The following ARRDC2 variants were observed in gnomAD, a reference collection of about 807,000 sequenced individuals.
ARRDC2 encodes arrestin domain containing 2, also known as arrestin domain-containing protein 2.
In ARRDC2, 39 loss-of-function variants were observed where a neutral mutation model predicts 38.9. The observed-to-expected ratio is 1.00, with a 90% CI of 0.78 to 1.31. The LOEUF is 1.31. Among genes scored for constraint, ARRDC2 ranks in the 50% most tolerant of loss-of-function variants. ARRDC2 has a pLI of 0.00. For missense variants in ARRDC2, 553 were observed against 588.4 expected (o/e 0.94, Z 0.62); for synonymous variants, 300 against 261.9 (o/e 1.15, Z -1.41).
chr19:18,008,014 G>C (rs573166547), upstream of ARRDC2, among the ~76,000 whole-genome samples: 33 of 152,374 alleles, frequency 2.2e-4, no homozygotes, highest in Admixed American at 4.6e-4. Context: ...GGCAGCCGGC[G>C]GTGAGCAGGG....
upstream of ARRDC2, among the ~76,000 whole-genome samples, chr19:18,006,702 C>T (rs1331712334): frequency 6.6e-6 from 1 of 152,190 alleles, no homozygotes; most frequent in Non-Finnish European, 1.5e-5. Context: ...AAAACAGTGA[C>T]ACTGGAGGGG....
intron 7 of ARRDC2, among the ~76,000 whole-genome samples, chr19:18,011,391 C>T (rs1160825446): frequency 1.3e-5 from 2 of 152,070 alleles, no homozygotes; most frequent in African/African-American, 4.8e-5. Flanking sequence ...CTTGGCCTCC[C>T]CAAAGTGCTG....
upstream of ARRDC2, chr19:18,007,414 T>G (rs2033301707): frequency 6.6e-6 from 1 of 152,208 alleles, no homozygotes; most frequent in South Asian, 2.1e-4. Context: ...GGAACATCAT[T>G]TCGTAGGTAC....
At chr19:18,012,777 T>C (rs1450528498) in intron 7 of ARRDC2, 136 bp from the exon 8 acceptor site, 2 of 835,494 alleles carry the variant, frequency 2.4e-6, no homozygotes, top group Non-Finnish European at 1.9e-6. Flanking sequence ...TGCACCCCAG[T>C]CTGCCCTAGA....
chr19:18,001,394 T>G, exon 1 of ARRDC2: 1 of 1,216,138 alleles, frequency 8.2e-7, no homozygotes, highest in Non-Finnish European at 1.0e-6. Flanking sequence ...GGGGAGCGGC[T>G]GTGCGGCCGG....
chr19:18,005,560 G>T (rs1364624272), upstream of ARRDC2, among the ~76,000 whole-genome samples: 1 of 151,604 alleles, frequency 6.6e-6, no homozygotes, highest in Non-Finnish European at 1.5e-5. Flanking sequence ...CTTCCCAGTA[G>T]GGGCGGCCGG....
chr19:18,008,116 A>ACGGC, upstream of ARRDC2: 8 of 522,500 alleles, frequency 1.5e-5, no homozygotes, highest in Non-Finnish European at 2.3e-5. Flanking sequence ...AGAGACGGTG[A>ACGGC]CCCCACCCCC....
At chr19:18,006,180 C>T (rs957588139), upstream of ARRDC2, among the ~76,000 whole-genome samples, 1 of 147,156 alleles carries the variant, frequency 6.8e-6, no homozygotes, top group South Asian at 2.2e-4. Context: ...ACATCCCAGA[C>T]GATGGGCGGT....
intron 1 of ARRDC2, among the ~76,000 whole-genome samples, chr19:18,002,176 C>T (rs987667845): frequency 6.6e-6 from 1 of 152,188 alleles, no homozygotes; most frequent in Non-Finnish European, 1.5e-5. Context: ...CTCGTGTTAC[C>T]CAGGGCCCCA....
At chr19:18,008,125 C>T (rs970265244), upstream of ARRDC2, 10 of 838,080 alleles carry the variant, frequency 1.2e-5, no homozygotes, top group South Asian at 1.3e-4. Flanking sequence ...GACCCCACCC[C>T]CCCCCGCCCT....
rs748988613 is a variant in ARRDC2, at chr19:18,008,261, G to T, written c.-50G>T. The T allele has an allele frequency of 5.7e-6, 9 of 1,565,628 alleles. No individual in the cohort carries two copies. The highest frequency in any genetic ancestry group is 7.7e-6 in the Non-Finnish European group (9 of 1,167,594). ...CGTCGGCATCTTGAGCTGCCGGTTC[G>T]CGAGTTCGAGGCCAGGTTCCGCCTG... is the stretch of plus-strand genomic sequence containing the variant. On this transcript the variant is annotated 5_prime_UTR_variant, in exon 1 of 8. Coordinates refer to ENST00000222250, the MANE Select transcript of ARRDC2 (RefSeq NM_015683.2).
intron 7 of ARRDC2, 73 bp from the exon 8 acceptor site, chr19:18,012,840 C>A: frequency 1.3e-6 from 2 of 1,496,906 alleles, no homozygotes; most frequent in Non-Finnish European, 9.3e-7. Context: ...TGGGAGATGG[C>A]TAGATGGGGA....
intron 7 of ARRDC2, 38 bp downstream of exon 7, chr19:18,010,767 G>C: frequency 6.2e-7 from 1 of 1,600,938 alleles, no homozygotes; most frequent in South Asian, 1.1e-5. Flanking sequence ...ATGCCTCTCT[G>C]GGCCCTGGGA....
Position 18,010,179 on chromosome 19 carries a change from A to G in ARRDC2, c.850-17A>G, listed in dbSNP as rs2033383151. On this transcript the variant is annotated splice_polypyrimidine_tract_variant and intron_variant, in intron 5 of 7. Transcript: ENST00000222250. Reference sequence around the variant, plus strand: ...GGAGGCTGCCTGGGCACCCTCCCTTATGGTTCCTTCCTCCAGGTCTGTGTG... The same window carrying G: ...GGAGGCTGCCTGGGCACCCTCCCTTGTGGTTCCTTCCTCCAGGTCTGTGTG... 6.2e-7 allele frequency: 1 copy of G among 1,611,238 alleles called. No homozygotes were observed. The highest frequency in any genetic ancestry group is 1.7e-5 in the Admixed American group (1 of 59,812).
At chr19:18,008,605 C>T (rs371559262) in intron 1 of ARRDC2, 21 bp downstream of exon 1, 10 of 1,595,284 alleles carry the variant, frequency 6.3e-6, no homozygotes, top group Middle Eastern at 1.6e-4. Context: ...AGGACCCCTG[C>T]TCCAACACCA....
chr19:18,009,993 C>T lies in ARRDC2; in HGVS notation c.803C>T (p.Pro268Leu), dbSNP rs771232805. The change falls in exon 5 of 8, where the codon CCT becomes CTT. Residue 268 changes from proline to leucine, a missense_variant. Physicochemically the swap from Pro to Leu is moderately conservative, Grantham distance 98 (BLOSUM62 -3). This residue lies in a region of ARRDC2 where 447 missense variants were observed against 456.6 expected (regional missense o/e 0.98). Coordinates refer to ENST00000222250, the MANE Select transcript of ARRDC2 (RefSeq NM_015683.2). ...GCACTGCGGATCCCCCCAGTGGGTC[C>T]TTCCATCCTGCACTGCCGCGTTCTA... is the stretch of plus-strand genomic sequence containing the variant. Reference protein sequence around the residue: ...GRALRIPPVGPSILHCRVLHV... With the variant: ...GRALRIPPVGLSILHCRVLHV... 22 of 1,601,204 alleles carry T rather than the reference C, an allele frequency of 1.4e-5. No homozygotes were observed. Among genetic ancestry groups the T allele is most frequent in the East Asian group, 4.5e-5 (2 of 44,752 alleles).
At chr19:18,012,700 G>A (rs756455549) in intron 7 of ARRDC2, among the ~76,000 whole-genome samples, 2 of 152,020 alleles carry the variant, frequency 1.3e-5, no homozygotes, top group Non-Finnish European at 2.9e-5. Context: ...TGGTATCCAC[G>A]GGGTTCCTGG....
upstream of ARRDC2, among the ~76,000 whole-genome samples, chr19:18,006,762 CTG>C (rs1238064387): frequency 1.3e-5 from 2 of 152,242 alleles, no homozygotes; most frequent in Non-Finnish European, 2.9e-5. Context: ...CCACCCATCT[CTG>C]GGCCTTTGGG....
chr19:18,009,787 G>A lies in ARRDC2; in HGVS notation c.597G>A (p.Glu199=), dbSNP rs756196890. Residue 199 remains glutamate (E), a synonymous_variant, in exon 5 of 8, where the codon GAG becomes GAA. Transcript: ENST00000222250. ...CCCCACTGCTCCTTGCTGCAGGAGA[G>A]GTCATCCCTGTCTTTGCCGAGATCG... ...KIDRKGYTPG[E]VIPVFAEIDN... 1.2e-6 allele frequency: 2 copies of A among 1,612,748 alleles called. No individual in the cohort carries two copies. Among genetic ancestry groups the A allele is most frequent in the Non-Finnish European group, 1.7e-6 (2 of 1,179,848 alleles).
Sources: gnomAD v4.1 joint callset for allele counts (sites outside exome capture counted in the v4.1 genomes callset) on GRCh38, gnomAD v4.1.1 for gene constraint, gnomAD v4.1.1 regional missense constraint, MANE v1.5 for transcripts, NCBI Gene and HGNC (gene_info 2026-07-23, HGNC 2026-07-21) for gene names.